DPP10: variants seen among roughly 807,000 people sequenced by gnomAD.
DPP10 encodes dipeptidyl peptidase like 10.
Under a neutral mutation model 120.9 loss-of-function variants are expected in DPP10, and 33 were observed. That is an observed-to-expected ratio of 0.27 (90% confidence interval 0.21 to 0.37). The LOEUF (loss-of-function observed/expected upper bound fraction) is 0.37, where lower values mean the gene tolerates loss of function less well. DPP10 is among the 10% of genes least tolerant of loss of function. The pLI, the probability that DPP10 is intolerant of heterozygous loss-of-function variation, is 1.00. For missense variants in DPP10, 816 were observed against 942.8 expected (o/e 0.87, Z 1.76); for synonymous variants, 337 against 326.1 (o/e 1.03, Z -0.36).
intron 3 of DPP10, among the ~76,000 whole-genome samples, chr2:115,379,363 A>G (rs2066095492): frequency 6.6e-6 from 1 of 152,048 alleles, no homozygotes; most frequent in African/African-American, 2.4e-5. Context: ...GTATTCTCTG[A>G]TGGTAGTTTG....
chr2:115,465,538 G>A (rs1453840178), intron 3 of DPP10, among the ~76,000 whole-genome samples: 4 of 152,078 alleles, frequency 2.6e-5, no homozygotes, highest in Non-Finnish European at 5.9e-5. Flanking sequence ...AATGGAAAAT[G>A]TAGGCCAGGC....
chr2:115,354,106 TAAG>T (rs754340997), intron 3 of DPP10, among the ~76,000 whole-genome samples: 3 of 152,190 alleles, frequency 2.0e-5, no homozygotes, highest in Non-Finnish European at 4.4e-5. Context: ...ATAATCATAA[TAAG>T]AAACTGAAAC....
At chr2:114,444,701 A>G (rs1677842944) in intron 1 of DPP10, among the ~76,000 whole-genome samples, 1 of 152,194 alleles carries the variant, frequency 6.6e-6, no homozygotes, top group African/African-American at 2.4e-5. Context: ...TGGACAACCC[A>G]CCACTTAACA....
intron 5 of DPP10, among the ~76,000 whole-genome samples, chr2:115,533,893 A>G (rs1233627515): frequency 6.6e-6 from 1 of 152,072 alleles, no homozygotes; most frequent in Non-Finnish European, 1.5e-5. Flanking sequence ...ATATTAAGGC[A>G]TTAAAAATAA....
intron 9 of DPP10, among the ~76,000 whole-genome samples, chr2:115,742,949 A>G (rs555879873): frequency 1.3e-5 from 2 of 152,066 alleles, no homozygotes; most frequent in East Asian, 1.9e-4. Context: ...ATCATTAGCA[A>G]TTCAGCACAA....
chr2:115,443,075 A>T (rs1290189749), intron 3 of DPP10, among the ~76,000 whole-genome samples: 2 of 152,190 alleles, frequency 1.3e-5, no homozygotes, highest in East Asian at 3.9e-4. Context: ...AAAGGCTTTT[A>T]AAAAATTTAC....
chr2:114,677,197 G>A (rs62165216), intron 1 of DPP10, among the ~76,000 whole-genome samples: 3,342 of 152,130 alleles, frequency 0.022, 61 homozygotes, highest in Non-Finnish European at 0.033. Flanking sequence ...TTCATCACAG[G>A]CCATGTAGTG....
intron 3 of DPP10, among the ~76,000 whole-genome samples, chr2:115,477,185 G>T (rs1279579353): frequency 1.3e-5 from 2 of 151,894 alleles, no homozygotes; most frequent in East Asian, 1.9e-4. Flanking sequence ...CCAAGAAAAA[G>T]AAATAAAAGC....
chr2:115,547,162 G>C (rs1489115041), intron 5 of DPP10, among the ~76,000 whole-genome samples: 1 of 152,082 alleles, frequency 6.6e-6, no homozygotes, highest in African/African-American at 2.4e-5. Context: ...CTCTAAGCAA[G>C]ACATGAATGA....
At chr2:114,789,643 G>T (rs371898082) in intron 1 of DPP10, among the ~76,000 whole-genome samples, 1 of 152,202 alleles carries the variant, frequency 6.6e-6, no homozygotes, top group South Asian at 2.1e-4. Context: ...TGCAGAGCCT[G>T]AAGTACGTGA....
chr2:114,592,958 T>A lies in DPP10; in HGVS notation c.60+150120T>A, dbSNP rs900051745. 2.0e-5 allele frequency among the ~76,000 whole-genome samples: 3 copies of A among 152,206 alleles called. No homozygotes were observed. In the East Asian group the frequency reaches 5.8e-4, roughly 29 times the overall value. On this transcript the variant is annotated intron_variant, in intron 1 of 25. Coordinates refer to ENST00000410059, the MANE Select transcript of DPP10 (RefSeq NM_020868.6). ...CTATGTGTTGTTGGTCTTTTTGTGA[T>A]TGGTTTATTTAGAATTTCATTTGTG...
chr2:115,211,448 T>C (rs961167530), intron 1 of DPP10, among the ~76,000 whole-genome samples: 2 of 152,194 alleles, frequency 1.3e-5, no homozygotes, highest in African/African-American at 4.8e-5. Flanking sequence ...CTACAAGTTT[T>C]ACTGTTTCTG....
chr2:114,748,033 T>C (rs932656337), intron 1 of DPP10, among the ~76,000 whole-genome samples: 1 of 152,218 alleles, frequency 6.6e-6, no homozygotes, highest in African/African-American at 2.4e-5. Flanking sequence ...AAAGAAATTT[T>C]ATGACTTGAA....
chr2:115,592,766 A>G (rs1285056127), intron 5 of DPP10, among the ~76,000 whole-genome samples: 2 of 151,460 alleles, frequency 1.3e-5, no homozygotes, highest in Admixed American at 1.3e-4. Context: ...AAAACAAAAA[A>G]AGAAAGAAAG....
intron 7 of DPP10, among the ~76,000 whole-genome samples, chr2:115,701,564 T>C (rs1339614363): frequency 1.3e-5 from 2 of 152,096 alleles, no homozygotes; most frequent in Non-Finnish European, 2.9e-5. Flanking sequence ...TTCTTGGATA[T>C]GACACAAAAG....
At chr2:114,468,136 C>G (rs969843258) in intron 1 of DPP10, among the ~76,000 whole-genome samples, 1 of 152,120 alleles carries the variant, frequency 6.6e-6, no homozygotes, top group Non-Finnish European at 1.5e-5. Context: ...CATTACAATA[C>G]TCCGTAAAGG....
intron 7 of DPP10, among the ~76,000 whole-genome samples, chr2:115,697,327 C>T (rs1181532041): frequency 6.6e-6 from 1 of 151,682 alleles, no homozygotes; most frequent in African/African-American, 2.4e-5. Flanking sequence ...TACATACGCT[C>T]TATAAGAAAC....
intron 1 of DPP10, among the ~76,000 whole-genome samples, chr2:114,555,189 T>C (rs1277146513): frequency 6.6e-6 from 1 of 152,162 alleles, no homozygotes; most frequent in African/African-American, 2.4e-5. Context: ...TAGTGATGTG[T>C]TTCTGTGTGC....
At chr2:115,764,396 T>C (rs1032843448) in intron 12 of DPP10, among the ~76,000 whole-genome samples, 1 of 152,046 alleles carries the variant, frequency 6.6e-6, no homozygotes, top group East Asian at 1.9e-4. Context: ...TATAAATACT[T>C]TTATCTTGGT....
Sources: allele counts gnomAD v4.1 joint callset (sites outside exome capture counted in the v4.1 genomes callset), GRCh38; gene constraint gnomAD v4.1.1; transcripts MANE v1.5; gene names NCBI Gene and HGNC (gene_info 2026-07-23, HGNC 2026-07-21).